Variants in ADCK1 observed in about 807,000 individuals in gnomAD.
ADCK1 encodes aarF domain-containing protein kinase 1.
A neutral mutation model predicts 52.3 loss-of-function variants in ADCK1; 41 were observed. The ratio of observed to expected loss-of-function variants is 0.78; its 90% confidence interval spans 0.61 to 1.02. The LOEUF is 1.02. Among genes scored for constraint, ADCK1 ranks in the 50% least tolerant of loss-of-function variants. The probability of loss-of-function intolerance (pLI) is 0.00; values close to 1 mark genes in which losing one functional copy is unlikely to be tolerated. For missense variants in ADCK1, 658 were observed against 679.5 expected (o/e 0.97, Z 0.35); for synonymous variants, 250 against 274.6 (o/e 0.91, Z 0.89).
chr14:77,834,556 G>A (rs188231392), intron 3 of ADCK1, among the ~76,000 whole-genome samples: 68 of 152,312 alleles, frequency 4.5e-4, no homozygotes, highest in African/African-American at 1.3e-3. Context: ...TGCTGCTGTG[G>A]TTCTAAAGCA....
At chr14:77,832,724 C>T (rs186637740) in intron 3 of ADCK1, among the ~76,000 whole-genome samples, 1 of 152,306 alleles carries the variant, frequency 6.6e-6, no homozygotes, top group East Asian at 1.9e-4. Context: ...CTCTTTGCTT[C>T]AGGAAAGAGT....
intron 7 of ADCK1, among the ~76,000 whole-genome samples, chr14:77,910,615 A>G (rs2083770504): frequency 6.6e-6 from 1 of 152,200 alleles, no homozygotes; most frequent in African/African-American, 2.4e-5. Context: ...CATTCCAGCA[A>G]CACCCTCAAG....
At chr14:77,885,488 T>C (rs550867124) in intron 4 of ADCK1, among the ~76,000 whole-genome samples, 4 of 152,196 alleles carry the variant, frequency 2.6e-5, no homozygotes, top group African/African-American at 4.8e-5. Context: ...GGATGGAGTT[T>C]AGTGAAAGCT....
chr14:77,899,200 A>G lies in ADCK1; in HGVS notation c.683A>G (p.Asn228Ser), dbSNP rs374396734. ...KNLPLELDFL[N>S]EGRNAEKVSQ... is the part of the protein sequence containing the mutation. Reference sequence around the variant, plus strand: ...CTGCCTTTGGAGCTGGATTTCCTCAATGAAGGGAGGAATGCTGAGAAGGTG... The same window carrying G: ...CTGCCTTTGGAGCTGGATTTCCTCAGTGAAGGGAGGAATGCTGAGAAGGTG... The change falls in exon 6 of 11, where the codon AAT becomes AGT. Residue 228 changes from asparagine to serine, a missense_variant. Physicochemically the swap from Asn to Ser is conservative, Grantham distance 46 (BLOSUM62 1). Coordinates refer to ENST00000238561, the MANE Select transcript of ADCK1 (RefSeq NM_020421.4). 7.2e-5 allele frequency: 117 copies of G among 1,614,056 alleles called. No homozygotes were observed. The highest frequency in any genetic ancestry group is 4.9e-4 in the Middle Eastern group (3 of 6,084).
chr14:77,919,740 A>G (rs11849231), intron 7 of ADCK1, among the ~76,000 whole-genome samples: 8 of 152,234 alleles, frequency 5.3e-5, no homozygotes, highest in African/African-American at 1.9e-4. Flanking sequence ...ATCCATGCCA[A>G]TATCTATTAT....
At chr14:77,819,770 G>A (rs1460390818) in intron 2 of ADCK1, among the ~76,000 whole-genome samples, 1 of 152,196 alleles carries the variant, frequency 6.6e-6, no homozygotes, top group African/African-American at 2.4e-5. Flanking sequence ...GTGGGTAGAT[G>A]GCCACATGCC....
intron 4 of ADCK1, among the ~76,000 whole-genome samples, chr14:77,869,800 T>C (rs2082737484): frequency 6.6e-6 from 1 of 152,204 alleles, no homozygotes; most frequent in Non-Finnish European, 1.5e-5. Context: ...CATTCACAGC[T>C]GCTTCCCTCC....
chr14:77,902,050 G>A (rs972331649), intron 6 of ADCK1, among the ~76,000 whole-genome samples: 23 of 152,198 alleles, frequency 1.5e-4, no homozygotes, highest in African/African-American at 5.3e-4. Flanking sequence ...TCAGGGAAAA[G>A]GGACTCTCTC....
intron 7 of ADCK1, among the ~76,000 whole-genome samples, chr14:77,912,368 A>G (rs1566729267): frequency 6.6e-6 from 1 of 151,832 alleles, no homozygotes; most frequent in Non-Finnish European, 1.5e-5. Context: ...TACTCTGAAT[A>G]AATTAATCTA....
intron 3 of ADCK1, among the ~76,000 whole-genome samples, chr14:77,835,490 CAG>C (rs1376530809): frequency 1.3e-5 from 2 of 152,220 alleles, no homozygotes; most frequent in African/African-American, 2.4e-5. Context: ...TTTCCAGAAA[CAG>C]AAGAGATTTT....
At chr14:77,883,402 A>G (rs1233193444) in intron 4 of ADCK1, among the ~76,000 whole-genome samples, 1 of 142,776 alleles carries the variant, frequency 7.0e-6, no homozygotes, top group Non-Finnish European at 1.5e-5. Flanking sequence ...TTTCAGCTGC[A>G]TGGGGGGTAT....
At chr14:77,912,321 C>A (rs921475674) in intron 7 of ADCK1, among the ~76,000 whole-genome samples, 29 of 152,208 alleles carry the variant, frequency 1.9e-4, no homozygotes, top group Non-Finnish European at 2.6e-4. Context: ...CTGTCACTTA[C>A]CATCAGTAGT....
intron 3 of ADCK1, among the ~76,000 whole-genome samples, chr14:77,848,572 T>A (rs2082217985): frequency 6.6e-6 from 1 of 152,122 alleles, no homozygotes; most frequent in South Asian, 2.1e-4. Flanking sequence ...TTCAAATAAT[T>A]CTCCTATCTC....
intron 1 of ADCK1, among the ~76,000 whole-genome samples, chr14:77,810,407 G>A (rs534800516): frequency 2.0e-5 from 3 of 152,158 alleles, no homozygotes; most frequent in South Asian, 4.1e-4. Context: ...GAGCCACCAC[G>A]CCTGGCCAGT....
chr14:77,809,970 G>A (rs1291910884), intron 1 of ADCK1, among the ~76,000 whole-genome samples: 6 of 148,488 alleles, frequency 4.0e-5, no homozygotes, highest in Non-Finnish European at 6.0e-5. Context: ...CCCAGGAGGC[G>A]GAGGCTGCAG....
Position 77,800,480 on chromosome 14 carries a change from G to T in ADCK1, c.-12+310G>T, listed in dbSNP as rs538107027. Among the ~76,000 whole-genome samples, 73 of 152,370 alleles carry T rather than the reference G, an allele frequency of 4.8e-4. 1 individual carries two copies. In the South Asian group the frequency reaches 0.015, roughly 31 times the overall value. On this transcript the variant is annotated intron_variant, in intron 1 of 10. Transcript: ENST00000238561. The stretch of plus-strand genomic sequence containing the variant: ...CAGTGGCACAGTCTTGCAGGCACCC[G>T]AGTGGGCAGAGCTGGAGGAGGGCCG...
chr14:77,846,252 C>A (rs74537667), intron 3 of ADCK1, among the ~76,000 whole-genome samples: 30,139 of 152,140 alleles, frequency 0.2, 4,288 homozygotes, highest in African/African-American at 0.4. Context: ...TGGTGCCACC[C>A]CCGTCTTCTC....
In ADCK1 at chr14:77,822,432, C is replaced by T. The variant is rs1194446656; in HGVS notation, c.136-3C>T. ...AGCTTTTCTCCACTGCCTTGGTTCACAGACGGCTGTCATCAGTTACGACTA... is the reference window on the plus strand; with the variant it reads ...AGCTTTTCTCCACTGCCTTGGTTCATAGACGGCTGTCATCAGTTACGACTA... On this transcript the variant is annotated splice_region_variant and splice_polypyrimidine_tract_variant and intron_variant, in intron 2 of 10. Coordinates refer to ENST00000238561, the MANE Select transcript of ADCK1 (RefSeq NM_020421.4). 1 of 1,613,338 alleles carries T rather than the reference C, an allele frequency of 6.2e-7. No homozygotes were observed. The highest frequency in any genetic ancestry group is 8.5e-7 in the Non-Finnish European group (1 of 1,179,242).
intron 6 of ADCK1, chr14:77,902,323 C>T (rs1248884382): frequency 2.6e-5 from 4 of 152,150 alleles, no homozygotes; most frequent in African/African-American, 9.7e-5. Flanking sequence ...TCCATACTCC[C>T]AGTATGCTTG....
Sources: gnomAD v4.1 joint callset for allele counts (sites outside exome capture counted in the v4.1 genomes callset) on GRCh38, gnomAD v4.1.1 for gene constraint, MANE v1.5 for transcripts, NCBI Gene and HGNC (gene_info 2026-07-23, HGNC 2026-07-21) for gene names.